Variants in KHDRBS2 observed in about 807,000 individuals in gnomAD.
KHDRBS2 encodes the protein KH domain-containing, RNA-binding, signal transduction-associated protein 2.
A neutral mutation model predicts 44.3 loss-of-function variants in KHDRBS2; 26 were observed. The ratio of observed to expected loss-of-function variants is 0.59; its 90% CI spans 0.43 to 0.81. The LOEUF is 0.81. KHDRBS2 is among the 40% of genes least tolerant of loss of function. KHDRBS2 has a pLI of 0.00. For synonymous variants in KHDRBS2, 194 were observed against 151.1 expected (o/e 1.28, Z -2.08); for missense variants, 476 against 433.1 (o/e 1.10, Z -0.88).
At chr6:62,231,140 T>C (rs1262660769) in intron 1 of KHDRBS2, among the ~76,000 whole-genome samples, 4 of 152,198 alleles carry the variant, frequency 2.6e-5, no homozygotes, top group Admixed American at 2.0e-4. Context: ...AACTGTCTCA[T>C]AGTCAATCAC....
chr6:62,231,397 C>A (rs1408501116), intron 1 of KHDRBS2, among the ~76,000 whole-genome samples: 1 of 152,142 alleles, frequency 6.6e-6, no homozygotes, highest in African/African-American at 2.4e-5. Context: ...CTTATAAAAT[C>A]ATCAGATCTC....
the KHDRBS2 span, among the ~76,000 whole-genome samples, chr6:61,636,184 T>G: frequency 2.6e-5 from 4 of 152,094 alleles, no homozygotes; most frequent in Non-Finnish European, 5.9e-5. Context: ...AAAATGATGC[T>G]TTATTCATTT....
intron 1 of KHDRBS2, among the ~76,000 whole-genome samples, chr6:62,223,531 C>T (rs1354671757): frequency 1.3e-5 from 2 of 152,186 alleles, no homozygotes; most frequent in Admixed American, 1.3e-4. Flanking sequence ...CTGCAGCCAG[C>T]TTGAATTTTT....
the KHDRBS2 span, among the ~76,000 whole-genome samples, chr6:61,631,781 G>A: frequency 2.6e-5 from 4 of 152,038 alleles, no homozygotes; most frequent in Admixed American, 6.6e-5. Context: ...AATCTAGGAC[G>A]GTGGTTATGG....
the KHDRBS2 span, among the ~76,000 whole-genome samples, chr6:61,637,341 T>G: frequency 6.6e-6 from 1 of 152,184 alleles, no homozygotes; most frequent in African/African-American, 2.4e-5. Context: ...GTTTCATCCA[T>G]GTCCCTACAA....
At chr6:62,065,971 T>C (rs1793591551) in intron 2 of KHDRBS2, among the ~76,000 whole-genome samples, 1 of 151,704 alleles carries the variant, frequency 6.6e-6, no homozygotes, top group Admixed American at 6.6e-5. Flanking sequence ...TTTTCTTTCA[T>C]AGAGACATCT....
chr6:62,240,702 A>G (rs1321589378), intron 1 of KHDRBS2, among the ~76,000 whole-genome samples: 1 of 136,808 alleles, frequency 7.3e-6, no homozygotes, highest in Non-Finnish European at 1.6e-5. Flanking sequence ...ATATATATAT[A>G]TATATATATA....
At chr6:61,583,526 A>T in the KHDRBS2 span, among the ~76,000 whole-genome samples, 1 of 151,680 alleles carries the variant, frequency 6.6e-6, no homozygotes. Context: ...AAGTTATTTG[A>T]CCATATATGT....
the KHDRBS2 span, among the ~76,000 whole-genome samples, chr6:61,647,321 A>C: frequency 6.6e-6 from 1 of 152,144 alleles, no homozygotes; most frequent in African/African-American, 2.4e-5. Flanking sequence ...TTATAATATT[A>C]CTTGTTTTAT....
rs145638666 is a variant in KHDRBS2, at chr6:62,190,844, C to A, written c.92-13532G>T. Among the ~76,000 whole-genome samples the A allele has an allele frequency of 3.1e-3, 477 of 152,166 alleles. 1 individual carries two copies. Among genetic ancestry groups the A allele is most frequent in the South Asian group, 0.025 (122 of 4,828 alleles). ...TCCCTGGTACTCCCCACTCTATATGCAGTAGTCAAGGAATCCTGTTGATTC... is the reference window on the plus strand; with the variant it reads ...TCCCTGGTACTCCCCACTCTATATGAAGTAGTCAAGGAATCCTGTTGATTC... On this transcript the variant is annotated intron_variant, in intron 1 of 8. Transcript: ENST00000281156.
At chr6:61,943,000 AAGAAAG>A (rs1187480913) in intron 4 of KHDRBS2, among the ~76,000 whole-genome samples, 16 of 135,516 alleles carry the variant, frequency 1.2e-4, no homozygotes, top group Admixed American at 7.1e-4. Context: ...GGAAGAAAGA[AAGAAAG>A]AGAGAGAGAG....
the KHDRBS2 span, among the ~76,000 whole-genome samples, chr6:61,644,376 C>G: frequency 2.6e-5 from 4 of 152,108 alleles, no homozygotes; most frequent in Admixed American, 2.6e-4. Context: ...TAGGCAATAT[C>G]ATTGTGGACA....
chr6:61,877,464 T>C (rs1799586060), intron 6 of KHDRBS2, among the ~76,000 whole-genome samples: 2 of 151,826 alleles, frequency 1.3e-5, no homozygotes, highest in Admixed American at 6.6e-5. Flanking sequence ...TGTTTTTGTT[T>C]TTCCCTCTCC....
rs901996817 is a variant in KHDRBS2, at chr6:61,705,155, C to A, written c.894-7902G>T. 2.6e-5 allele frequency among the ~76,000 whole-genome samples: 4 copies of A among 151,894 alleles called. No individual in the cohort carries two copies. In the South Asian group the frequency reaches 6.2e-4, roughly 24 times the overall value. On this transcript the variant is annotated intron_variant, in intron 7 of 8. Transcript: ENST00000281156. ...ATTAAGAAGCAGGATTTGCTTAATT[C>A]TCTTTTTGCCAAAATTTTAATAACA...
chr6:61,922,007 C>T (rs572374394), intron 4 of KHDRBS2, among the ~76,000 whole-genome samples: 1 of 151,964 alleles, frequency 6.6e-6, no homozygotes, highest in African/African-American at 2.4e-5. Context: ...CTTTGACATC[C>T]ATATCGTTAA....
chr6:61,572,687 A>G, the KHDRBS2 span, among the ~76,000 whole-genome samples: 4 of 152,236 alleles, frequency 2.6e-5, no homozygotes, highest in Non-Finnish European at 5.9e-5. Flanking sequence ...AATAAATGTG[A>G]TAGACCACAT....
intron 2 of KHDRBS2, among the ~76,000 whole-genome samples, chr6:62,125,747 G>A (rs1451507695): frequency 6.6e-6 from 1 of 152,096 alleles, no homozygotes; most frequent in Non-Finnish European, 1.5e-5. Flanking sequence ...CAGGCCAGGA[G>A]GGAACCTGCT....
At chr6:62,060,121 CAT>C (rs1045873626) in intron 2 of KHDRBS2, among the ~76,000 whole-genome samples, 3 of 151,604 alleles carry the variant, frequency 2.0e-5, no homozygotes, top group African/African-American at 4.8e-5. Context: ...GAAGGAGTAA[CAT>C]GTGAGAAAAC....
the KHDRBS2 span, among the ~76,000 whole-genome samples, chr6:61,624,129 T>G: frequency 6.6e-6 from 1 of 152,208 alleles, no homozygotes; most frequent in Admixed American, 6.5e-5. Context: ...TTGTATCATA[T>G]GTCAATGCCA....
Sources: allele counts gnomAD v4.1 joint callset (sites outside exome capture counted in the v4.1 genomes callset), GRCh38; gene constraint gnomAD v4.1.1; transcripts MANE v1.5; gene names NCBI Gene and HGNC (gene_info 2026-07-23, HGNC 2026-07-21).